Variants in BCL7C observed in about 807,000 individuals in gnomAD.
BCL7C encodes B-cell CLL/lymphoma 7 protein family member C.
BCL7C carries 8 observed loss-of-function variants against 26.2 expected under a neutral mutation model. The ratio of observed to expected loss-of-function variants is 0.30; its 90% CI spans 0.18 to 0.55. The LOEUF (loss-of-function observed/expected upper bound fraction) is 0.55, where lower values mean the gene tolerates loss of function less well. BCL7C is among the 20% of genes least tolerant of loss of function. The pLI is 0.93. For missense variants in BCL7C, 262 were observed against 298.5 expected (o/e 0.88, Z 0.90); for synonymous variants, 90 against 116.5 (o/e 0.77, Z 1.47).
Position 30,893,954 on chromosome 16 carries a change from G to T in BCL7C, c.-10C>A. 7 of 1,510,204 alleles carry T rather than the reference G, an allele frequency of 4.6e-6. No homozygotes were observed. Among genetic ancestry groups the T allele is most frequent in the Non-Finnish European group, 6.2e-6 (7 of 1,130,260 alleles). The allele number at this position is 1,510,204 out of a possible 1,614,324, so 93.6% of individuals were successfully genotyped here. A position where few individuals can be genotyped will look rare whatever the true frequency, so the allele number is the denominator to read the frequency against. ...CAGTCCGGCCGGCCATGCTGGCGGG[G>T]CTGGGGCCGGGGCCGAGCCCGCGGC... is the stretch of plus-strand genomic sequence containing the variant. On this transcript the variant is annotated 5_prime_UTR_variant, in exon 1 of 6. Coordinates refer to ENST00000215115, the MANE Select transcript of BCL7C (RefSeq NM_004765.4). The surrounding 1 kb of genome is among the most constrained non-coding windows in gnomAD (Gnocchi z 5.2).
chr16:30,834,943 C>T lies in BCL7C; in HGVS notation c.*5G>A. 1 of 1,517,514 alleles carries T rather than the reference C, an allele frequency of 6.6e-7. No individual in the cohort carries two copies. Among genetic ancestry groups the T allele is most frequent in the Non-Finnish European group, 8.9e-7 (1 of 1,129,028 alleles). The allele number at this position is 1,517,514 out of a possible 1,614,324, so 94.0% of individuals were successfully genotyped here. ...TAGGGGTCTTGGCTTGCTTGGGGAG[C>T]CCACTCACCTCCCCTTACCCTGGGG... On this transcript the variant is annotated 3_prime_UTR_variant, in exon 6 of 6. Coordinates refer to the BCL7C transcript ENST00000380317. This position sits in a 1 kb window ranked among gnomAD's most constrained non-coding sequence, Gnocchi z 4.3.
intron 5 of BCL7C, among the ~76,000 whole-genome samples, chr16:30,871,993 G>C (rs189545229): frequency 6.6e-6 from 1 of 152,076 alleles, no homozygotes; most frequent in Non-Finnish European, 1.5e-5. Flanking sequence ...GCAGGACCTG[G>C]TTGTTTTGCT....
At chr16:30,835,244 G>T in intron 5 of BCL7C, 1 of 1,142,784 alleles carries the variant, frequency 8.8e-7, no homozygotes, top group East Asian at 2.8e-5. Flanking sequence ...TCCAAATGGC[G>T]CAAGTTGGTG....
intron 5 of BCL7C, among the ~76,000 whole-genome samples, chr16:30,881,392 TCACACACACA>T (rs72155482): frequency 4.2e-5 from 6 of 144,222 alleles, no homozygotes; most frequent in Admixed American, 6.9e-5. Context: ...TGAGACTCCG[TCACACACACA>T]CACACACACA....
chr16:30,840,224 T>G (rs1008614333), intron 5 of BCL7C, among the ~76,000 whole-genome samples: 1 of 149,106 alleles, frequency 6.7e-6, no homozygotes, highest in African/African-American at 2.5e-5. Flanking sequence ...GTTTTTTTTT[T>G]TTTTTTTTTT....
At chr16:30,888,527 G>C (rs181929520) in intron 5 of BCL7C, among the ~76,000 whole-genome samples, 28 of 151,544 alleles carry the variant, frequency 1.8e-4, no homozygotes, top group Admixed American at 1.8e-3. Flanking sequence ...AGTAGAGACG[G>C]GGTTTCACCG....
intron 5 of BCL7C, among the ~76,000 whole-genome samples, chr16:30,844,084 G>A (rs996157442): frequency 9.5e-5 from 14 of 146,716 alleles, no homozygotes; most frequent in African/African-American, 3.5e-4. Flanking sequence ...GGGCGTGGTG[G>A]CTCATGCCTA....
At chr16:30,891,418 TGCCGTC>T (rs1179810459) in intron 4 of BCL7C, among the ~76,000 whole-genome samples, 1 of 151,990 alleles carries the variant, frequency 6.6e-6, no homozygotes, top group Non-Finnish European at 1.5e-5. Flanking sequence ...GCCAAGATTG[TGCCGTC>T]GCACTCCAGC....
chr16:30,892,518 C>T, intron 4 of BCL7C, 68 bp downstream of exon 4: 2 of 1,480,774 alleles, frequency 1.4e-6, no homozygotes, highest in Non-Finnish European at 1.8e-6. Flanking sequence ...TAGGGATGAG[C>T]TGGTAGGTTA....
chr16:30,874,643 C>T (rs1428597736), intron 5 of BCL7C, among the ~76,000 whole-genome samples: 1 of 151,678 alleles, frequency 6.6e-6, no homozygotes, highest in East Asian at 1.9e-4. Flanking sequence ...AAGGGGAGGG[C>T]GGGGGGAAGA....
intron 5 of BCL7C, among the ~76,000 whole-genome samples, chr16:30,873,547 T>C (rs1024296824): frequency 6.6e-6 from 1 of 152,116 alleles, no homozygotes; most frequent in African/African-American, 2.4e-5. Flanking sequence ...AAAGGTGTTA[T>C]TTTAAAATAC....
At chr16:30,887,168 G>C (rs1341077258), downstream of BCL7C, among the ~76,000 whole-genome samples, 1 of 152,090 alleles carries the variant, frequency 6.6e-6, no homozygotes, top group African/African-American at 2.4e-5. Context: ...AATTAGCCGG[G>C]CGTGGTGGCA....
At position 30,835,026 on chromosome 16, in the gene BCL7C, C is replaced by G. The variant is rs1177053451; in HGVS notation, c.651G>C (p.Val217=). The G allele has an allele frequency of 1.9e-6, 3 of 1,549,408 alleles. No homozygotes were observed. In the African/African-American group the frequency reaches 4.1e-5, roughly 21 times the overall value. Residue 217 remains valine (V), a synonymous_variant, in exon 6 of 6, where the codon GTG becomes GTC. Transcript: ENST00000380317. ...CTCCCCCGGGAGCTCTGGTGTCCGG[C>G]ACCGCCATGGAACTGGGCCGGACAT... is the stretch of plus-strand genomic sequence containing the variant.
chr16:30,875,136 GC>G (rs1295945297), intron 5 of BCL7C: 1 of 154,438 alleles, frequency 6.5e-6, no homozygotes, highest in East Asian at 1.9e-4. Context: ...GGATCCTCAC[GC>G]CCCTATAACG....
In BCL7C at chr16:30,892,455, C is replaced by G; in HGVS notation, c.442+131G>C. On this transcript the variant is annotated intron_variant, in intron 4 of 5. Transcript: ENST00000215115. ...ATGAGACTGTAGCTACAGGGAGATT[C>G]TGCAGGAGTCGGAAGGCGCCTTGAG... The G allele has an allele frequency of 1.0e-5, 8 of 774,596 alleles. No homozygotes were observed. The South Asian group carries it at 1.5e-4, about 15-fold the overall frequency. The allele number at this position is 774,596 out of a possible 1,614,324, so 48.0% of individuals were successfully genotyped here.
chr16:30,889,000 C>T (rs1308071818), intron 4 of BCL7C, 55 bp from the exon 5 acceptor site: 3 of 1,544,316 alleles, frequency 1.9e-6, no homozygotes, highest in East Asian at 4.5e-5. Context: ...GCCAGCAGCA[C>T]AGACAGTGGG....
In BCL7C at chr16:30,873,954, T is replaced by TACAC. The variant is rs145435913; in HGVS notation, c.528+14902_528+14905dup. On this transcript the variant is annotated intron_variant, in intron 5 of 5. Coordinates refer to the BCL7C transcript ENST00000380317. Reference sequence around the variant, plus strand: ...ATACATATATATATAGATATATGTATACACACACACACACACACACAGAGG... The same window carrying TACAC: ...ATACATATATATATAGATATATGTATACACACACACACACACACACACACAGAGG... 8.4e-3 allele frequency among the ~76,000 whole-genome samples: 1,163 copies of TACAC among 137,698 alleles called. 14 individuals carry two copies. Among genetic ancestry groups the TACAC allele is most frequent in the Middle Eastern group, 0.025 (7 of 278 alleles). The allele number at this position is 137,698 out of a possible 152,430, so 90.3% of individuals were successfully genotyped here. A position where few individuals can be genotyped will look rare whatever the true frequency, so the allele number is the denominator to read the frequency against.
chr16:30,846,846 T>C (rs952762151), intron 5 of BCL7C, among the ~76,000 whole-genome samples: 4 of 152,238 alleles, frequency 2.6e-5, no homozygotes, highest in Non-Finnish European at 5.9e-5. Flanking sequence ...ACCCATGGCC[T>C]GCAGTAGCAT....
At chr16:30,860,478 C>A (rs1050433534) in intron 5 of BCL7C, among the ~76,000 whole-genome samples, 4 of 152,156 alleles carry the variant, frequency 2.6e-5, no homozygotes, top group African/African-American at 9.7e-5. Context: ...TCTCCTTTAG[C>A]CTGTGTTCTC....
Sources: allele counts gnomAD v4.1 joint callset (sites outside exome capture counted in the v4.1 genomes callset), GRCh38; gene constraint gnomAD v4.1.1; non-coding constraint Gnocchi (gnomAD v3.1); transcripts MANE v1.5; gene names NCBI Gene and HGNC (gene_info 2026-07-23, HGNC 2026-07-21).